Variants in EPHB1 observed in about 807,000 individuals in gnomAD.
The protein encoded by EPHB1 is ephrin type-B receptor 1.
A neutral mutation model predicts 94.4 loss-of-function variants in EPHB1; 30 were observed. That is an observed-to-expected ratio of 0.32 (90% CI 0.24 to 0.43). EPHB1 has a LOEUF of 0.43. Among genes scored for constraint, EPHB1 ranks in the 20% least tolerant of loss-of-function variants. The probability of loss-of-function intolerance (pLI) is 1.00; values close to 1 mark genes in which losing one functional copy is unlikely to be tolerated. For synonymous variants in EPHB1, 522 were observed against 489.1 expected (o/e 1.07, Z -0.89); for missense variants, 1,055 against 1,308.3 (o/e 0.81, Z 2.99).
At chr3:135,061,500 T>A (rs577977288) in intron 3 of EPHB1, among the ~76,000 whole-genome samples, 33 of 152,242 alleles carry the variant, frequency 2.2e-4, no homozygotes, top group Admixed American at 2.0e-3. Context: ...TCGCGTAGAA[T>A]AATAGTCTCC....
intron 3 of EPHB1, among the ~76,000 whole-genome samples, chr3:135,084,713 G>A (rs566305577): frequency 6.6e-5 from 10 of 152,214 alleles, no homozygotes; most frequent in South Asian, 2.1e-4. Flanking sequence ...GCAGCTCCAC[G>A]GTCCTTCTAT....
chr3:134,917,346 A>T (rs1363940485), intron 1 of EPHB1, among the ~76,000 whole-genome samples: 1 of 152,158 alleles, frequency 6.6e-6, no homozygotes, highest in African/African-American at 2.4e-5. Flanking sequence ...CATTGAAAAG[A>T]CCTTCCCATG....
intron 3 of EPHB1, among the ~76,000 whole-genome samples, chr3:135,053,223 C>T (rs1247557964): frequency 2.0e-5 from 3 of 151,246 alleles, no homozygotes; most frequent in Non-Finnish European, 4.4e-5. Flanking sequence ...ATGATAAATA[C>T]TCAAGGTGAT....
intron 12 of EPHB1, among the ~76,000 whole-genome samples, chr3:135,216,742 A>AG (rs1178093712): frequency 3.6e-4 from 55 of 151,462 alleles, no homozygotes; most frequent in African/African-American, 1.3e-3. Flanking sequence ...AAAAAAAAAA[A>AG]AAAAAATCAC....
In EPHB1 at chr3:134,951,919, A is replaced by G; in HGVS notation, c.672A>G (p.Thr224=). Residue 224 remains threonine (T), a synonymous_variant, in exon 3 of 16, where the codon ACA becomes ACG. Transcript: ENST00000398015. This position sits in a 1 kb window ranked among gnomAD's most constrained non-coding sequence, Gnocchi z 4.5. The stretch of plus-strand genomic sequence containing the variant: ...CATCTCTGGTGATTGCTCGGGGCAC[A>G]TGCATCCCCAACGCAGAGGAAGTGG... The part of the protein sequence containing the change: ...ESTSLVIARG[T]CIPNAEEVDV... 2.5e-6 allele frequency: 4 copies of G among 1,614,064 alleles called. No individual in the cohort carries two copies. Among genetic ancestry groups the G allele is most frequent in the Non-Finnish European group, 3.4e-6 (4 of 1,179,908 alleles).
intron 3 of EPHB1, among the ~76,000 whole-genome samples, chr3:135,004,956 G>A (rs1378331334): frequency 1.3e-5 from 2 of 152,238 alleles, no homozygotes; most frequent in East Asian, 1.9e-4. Flanking sequence ...TCTTCTCTCA[G>A]CTCATCAAAG....
At chr3:135,233,745 C>T (rs1381809906) in intron 12 of EPHB1, among the ~76,000 whole-genome samples, 3 of 152,238 alleles carry the variant, frequency 2.0e-5, no homozygotes, top group Admixed American at 6.5e-5. Flanking sequence ...CATTTCCATA[C>T]ATCCTCTGAA....
intron 1 of EPHB1, among the ~76,000 whole-genome samples, chr3:134,861,177 A>G (rs75210612): frequency 0.012 from 1,794 of 152,318 alleles, 38 homozygotes; most frequent in African/African-American, 0.041. Context: ...GCATAGGCAC[A>G]TATGTACAGA....
chr3:135,117,640 A>T (rs1008346285), intron 4 of EPHB1, among the ~76,000 whole-genome samples: 1 of 152,234 alleles, frequency 6.6e-6, no homozygotes, highest in Non-Finnish European at 1.5e-5. Context: ...CTAGTTGAAC[A>T]CTAAGGTCAA....
chr3:135,012,445 C>T (rs1935652511), intron 3 of EPHB1, among the ~76,000 whole-genome samples: 1 of 152,226 alleles, frequency 6.6e-6, no homozygotes, highest in Non-Finnish European at 1.5e-5. Flanking sequence ...CATCCTCCGT[C>T]AGTTGCCTTG....
chr3:135,087,441 A>T (rs1056579213), intron 3 of EPHB1, among the ~76,000 whole-genome samples: 5 of 152,200 alleles, frequency 3.3e-5, no homozygotes, highest in Admixed American at 6.5e-5. Flanking sequence ...TCAATAATGA[A>T]GTTTCATAGG....
At chr3:135,052,180 A>T (rs545539181) in intron 3 of EPHB1, among the ~76,000 whole-genome samples, 1 of 152,324 alleles carries the variant, frequency 6.6e-6, no homozygotes, top group South Asian at 2.1e-4. Context: ...GCAGATATCA[A>T]ACTGGAGTTA....
intron 3 of EPHB1, among the ~76,000 whole-genome samples, chr3:134,990,445 G>A (rs1483438313): frequency 6.6e-6 from 1 of 152,126 alleles, no homozygotes; most frequent in Non-Finnish European, 1.5e-5. Context: ...AGGGATGCTA[G>A]TAATCCTCCA....
Position 134,882,667 on chromosome 3 carries a change from T to C in EPHB1, c.59-43149T>C, listed in dbSNP as rs115432055. ...CTCTTGCAATCTTTCTCTCCTTCCTTCCTTCCTTCCTTCTTTCCTTCTTCT... is the reference window on the plus strand; with the variant it reads ...CTCTTGCAATCTTTCTCTCCTTCCTCCCTTCCTTCCTTCTTTCCTTCTTCT... On this transcript the variant is annotated intron_variant, in intron 1 of 15. Transcript: ENST00000398015. Among the ~76,000 whole-genome samples the C allele has an allele frequency of 9.5e-3, 1,437 of 151,792 alleles. 26 individuals carry two copies. Among genetic ancestry groups the C allele is most frequent in the African/African-American group, 0.033 (1,380 of 41,382 alleles).
intron 1 of EPHB1, among the ~76,000 whole-genome samples, chr3:134,877,071 T>C (rs2037631620): frequency 6.6e-6 from 1 of 152,186 alleles, no homozygotes. Flanking sequence ...CTTAGACTCA[T>C]GCATAAATAG....
rs1307644475 is a variant in EPHB1, at chr3:134,795,470, C to T, written c.-162C>T. 10 of 653,880 alleles carry T rather than the reference C, an allele frequency of 1.5e-5. No homozygotes were observed. Among genetic ancestry groups the T allele is most frequent in the Non-Finnish European group, 2.3e-5 (9 of 396,114 alleles). The allele number at this position is 653,880 out of a possible 1,614,324, so 40.5% of individuals were successfully genotyped here. On this transcript the variant is annotated 5_prime_UTR_variant, in exon 1 of 16. Transcript: ENST00000398015. ...CCGCACCGCCCCACGCGCACACACT[C>T]CTGCCCACGCCCACGCAGCGCTCCG...
rs201578487 is a variant in EPHB1, at chr3:135,111,924, C to T, written c.961+5321C>T. ...CGAACTCCTGACCTTGTGATCTGCC[C>T]GCCTCAGCCTCCCAAAGTGCTGGGA... On this transcript the variant is annotated intron_variant, in intron 4 of 15. Coordinates refer to ENST00000398015, the MANE Select transcript of EPHB1 (RefSeq NM_004441.5). 4.1e-4 allele frequency among the ~76,000 whole-genome samples: 63 copies of T among 152,270 alleles called. No individual in the cohort carries two copies. The East Asian group carries it at 0.01, about 25-fold the overall frequency.
At chr3:135,217,169 C>G (rs1401946874) in intron 12 of EPHB1, among the ~76,000 whole-genome samples, 2 of 152,146 alleles carry the variant, frequency 1.3e-5, no homozygotes, top group Non-Finnish European at 2.9e-5. Context: ...CCGAGACCTT[C>G]TTGGCTTTGA....
intron 5 of EPHB1, among the ~76,000 whole-genome samples, chr3:135,141,800 T>C (rs1007235948): frequency 6.6e-6 from 1 of 151,972 alleles, no homozygotes; most frequent in African/African-American, 2.4e-5. Flanking sequence ...CAGAGTGGCA[T>C]TGAGCCTGGT....
Sources: allele counts gnomAD v4.1 joint callset (sites outside exome capture counted in the v4.1 genomes callset), GRCh38; gene constraint gnomAD v4.1.1; non-coding constraint Gnocchi (gnomAD v3.1); transcripts MANE v1.5; gene names NCBI Gene and HGNC (gene_info 2026-07-23, HGNC 2026-07-21).